CDK15: variants seen among roughly 807,000 people sequenced by gnomAD.
The protein encoded by CDK15 is cyclin dependent kinase 15.
Under a neutral mutation model 60.3 loss-of-function variants are expected in CDK15, and 62 were observed. That is an observed-to-expected ratio of 1.03 (90% confidence interval 0.84 to 1.27). The LOEUF (loss-of-function observed/expected upper bound fraction) is 1.27, where lower values mean the gene tolerates loss of function less well. CDK15 is among the 50% of genes most tolerant of loss of function. The probability of loss-of-function intolerance (pLI) is 0.00; values close to 1 mark genes in which losing one functional copy is unlikely to be tolerated. For missense variants in CDK15, 541 were observed against 527.8 expected, an observed-to-expected ratio of 1.03 and a Z score of -0.25; for synonymous variants, 194 against 195.7, an observed-to-expected ratio of 0.99 and a Z score of 0.07.
chr2:201,836,027 T>C (rs1374199660), intron 8 of CDK15, among the ~76,000 whole-genome samples: 4 of 122,850 alleles, frequency 3.3e-5, no homozygotes, highest in African/African-American at 1.2e-4. Context: ...TTTATATATT[T>C]ATATATATTT....
chr2:201,844,603 G>A (rs1697558323), intron 8 of CDK15, among the ~76,000 whole-genome samples: 1 of 152,152 alleles, frequency 6.6e-6, no homozygotes, highest in South Asian at 2.1e-4. Context: ...ACATTTATCT[G>A]ATCAAAATTC....
At chr2:201,855,783 TC>T (rs1276891345) in intron 10 of CDK15, among the ~76,000 whole-genome samples, 2 of 151,950 alleles carry the variant, frequency 1.3e-5, no homozygotes, top group African/African-American at 4.8e-5. Context: ...CTTACATTGT[TC>T]CATTACTAAA....
intron 8 of CDK15, among the ~76,000 whole-genome samples, chr2:201,840,042 T>A (rs1697306768): frequency 6.6e-6 from 1 of 152,028 alleles, no homozygotes; most frequent in South Asian, 2.1e-4. Flanking sequence ...TGGAATGCAG[T>A]GACTCAACCT....
Position 201,886,671 on chromosome 2 carries a change from C to T in CDK15, c.1199-4114C>T, listed in dbSNP as rs1425475928. On this transcript the variant is annotated intron_variant, in intron 12 of 13. Transcript: ENST00000652192. The stretch of plus-strand genomic sequence containing the variant: ...ATAAATGTTTTTGTTTCACCTGTGA[C>T]TCATTCAGTTTTATAAGAAAACATC... Among the ~76,000 whole-genome samples the T allele has an allele frequency of 3.3e-5, 5 of 152,212 alleles. No individual in the cohort carries two copies. In the East Asian group the frequency reaches 9.6e-4, roughly 29 times the overall value.
chr2:201,854,458 A>G (rs1031283506), intron 9 of CDK15, among the ~76,000 whole-genome samples: 4 of 152,214 alleles, frequency 2.6e-5, no homozygotes, highest in Admixed American at 6.5e-5. Context: ...TAAGCTGTCA[A>G]GTGTCTCCTG....
At chr2:201,824,313 G>A (rs368327934) in intron 6 of CDK15, among the ~76,000 whole-genome samples, 42 of 152,148 alleles carry the variant, frequency 2.8e-4, no homozygotes, top group South Asian at 1.5e-3. Context: ...TAAAATAACC[G>A]TATGAAATTT....
At chr2:201,888,280 T>C (rs987862658) in intron 12 of CDK15, among the ~76,000 whole-genome samples, 2 of 152,174 alleles carry the variant, frequency 1.3e-5, no homozygotes, top group Non-Finnish European at 2.9e-5. Flanking sequence ...CCAACAGCCA[T>C]GAGCTTAGGA....
At chr2:201,842,145 A>G (rs576435873) in intron 8 of CDK15, among the ~76,000 whole-genome samples, 1 of 152,160 alleles carries the variant, frequency 6.6e-6, no homozygotes, top group African/African-American at 2.4e-5. Flanking sequence ...ATAATTTCCC[A>G]TTACCCCCTC....
intron 4 of CDK15, among the ~76,000 whole-genome samples, chr2:201,821,701 C>T (rs758784139): frequency 6.6e-6 from 1 of 152,048 alleles, no homozygotes; most frequent in South Asian, 2.1e-4. Flanking sequence ...GATGGAGTCT[C>T]GCTCTGTCAC....
intron 10 of CDK15, among the ~76,000 whole-genome samples, chr2:201,862,093 C>CCTAAGT (rs764609323): frequency 1.3e-5 from 2 of 152,190 alleles, no homozygotes; most frequent in Non-Finnish European, 2.9e-5. Context: ...CAAATGCCTA[C>CCTAAGT]CTAAGTCAGT....
intron 10 of CDK15, among the ~76,000 whole-genome samples, chr2:201,856,913 T>C (rs971225378): frequency 2.0e-5 from 3 of 152,226 alleles, no homozygotes; most frequent in African/African-American, 7.2e-5. Flanking sequence ...CCCTGCCAGA[T>C]TGTGTGCTTA....
chr2:201,869,335 C>T (rs1194138199), intron 10 of CDK15, among the ~76,000 whole-genome samples: 3 of 149,262 alleles, frequency 2.0e-5, no homozygotes, highest in African/African-American at 4.9e-5. Flanking sequence ...ACAATGAGAA[C>T]ACTTGAACAC....
In CDK15 at chr2:201,893,351, C is replaced by G. The variant is rs1699694655; in HGVS notation, c.*84C>G. ...TCATTTGCTTCAGCTTACTAAGAAG[C>G]TTCAAATCTAACTCCATACTGAACA... On this transcript the variant is annotated 3_prime_UTR_variant, in exon 14 of 14. Transcript: ENST00000652192. 6.6e-6 allele frequency: 1 copy of G among 152,166 alleles called. No individual in the cohort carries two copies. Among genetic ancestry groups the G allele is most frequent in the South Asian group, 2.1e-4 (1 of 4,832 alleles). 9.4% of individuals were successfully genotyped at this position (152,166 alleles called of 1,614,324 possible).
intron 4 of CDK15, among the ~76,000 whole-genome samples, chr2:201,817,488 C>A (rs778471838): frequency 3.3e-5 from 5 of 152,150 alleles, no homozygotes; most frequent in Non-Finnish European, 5.9e-5. Context: ...CTGATTCTAT[C>A]ATTGATTCTA....
At chr2:201,876,639 A>G in intron 11 of CDK15, 1 of 1,116,910 alleles carries the variant, frequency 9.0e-7, no homozygotes, top group Non-Finnish European at 1.2e-6. Context: ...GAACAAGTCC[A>G]GAAACCACCA....
At chr2:201,822,770 T>A (rs781183800) in intron 4 of CDK15, 39 bp from the exon 5 acceptor site, 1 of 1,209,762 alleles carries the variant, frequency 8.3e-7, no homozygotes, top group Non-Finnish European at 1.2e-6. Context: ...GCACTTTCAT[T>A]ATCAATGATG....
intron 10 of CDK15, among the ~76,000 whole-genome samples, chr2:201,867,398 G>T (rs1395691156): frequency 1.3e-5 from 2 of 152,172 alleles, no homozygotes; most frequent in African/African-American, 4.8e-5. Context: ...GCTGGGGCTG[G>T]AGGATTGCTG....
chr2:201,861,425 G>A, intron 10 of CDK15: 2 of 985,094 alleles, frequency 2.0e-6, no homozygotes, highest in African/African-American at 1.7e-5. Flanking sequence ...TAATCATGTT[G>A]TATCCCTCTG....
In CDK15 at chr2:201,864,759, G is replaced by A. The variant is rs1435043528; in HGVS notation, c.1010-7519G>A. On this transcript the variant is annotated intron_variant, in intron 10 of 13. Coordinates refer to ENST00000652192, the MANE Select transcript of CDK15 (RefSeq NM_001366386.2). ...GGGAAGGAACAGATTTATAGAGAAG[G>A]TAATGAGTATAAGGTTTTAACATTT... Among the ~76,000 whole-genome samples the A allele has an allele frequency of 3.9e-5, 6 of 152,336 alleles. No homozygotes were observed. The East Asian group carries it at 1.2e-3, about 29-fold the overall frequency.
Sources: gnomAD v4.1 joint callset for allele counts (sites outside exome capture counted in the v4.1 genomes callset) on GRCh38, gnomAD v4.1.1 for gene constraint, MANE v1.5 for transcripts, NCBI Gene and HGNC (gene_info 2026-07-23, HGNC 2026-07-21) for gene names.